Variants in RAI1 observed in about 807,000 individuals in gnomAD.
The protein encoded by RAI1 is retinoic acid induced 1.
A neutral mutation model predicts 123.8 loss-of-function variants in RAI1; 9 were observed. That is an observed-to-expected ratio of 0.07 (90% CI 0.04 to 0.13). The LOEUF (loss-of-function observed/expected upper bound fraction) is 0.13, where lower values mean the gene tolerates loss of function less well. RAI1 is among the 10% of genes least tolerant of loss of function. The pLI is 1.00. For missense variants in RAI1, 2,256 were observed against 2,545.8 expected (o/e 0.89, Z 2.45); for synonymous variants, 1,231 against 1,127.3 (o/e 1.09, Z -1.84).
intron 2 of RAI1, among the ~76,000 whole-genome samples, chr17:17,746,721 C>T (rs1040113212): frequency 6.6e-6 from 1 of 151,116 alleles, no homozygotes; most frequent in Non-Finnish European, 1.5e-5. Context: ...CCACAACCTC[C>T]GCCTCCCAGG....
intron 2 of RAI1, among the ~76,000 whole-genome samples, chr17:17,758,462 C>T (rs2030541863): frequency 6.6e-6 from 1 of 152,216 alleles, no homozygotes; most frequent in African/African-American, 2.4e-5. Flanking sequence ...CGGGAGCCTC[C>T]CTTCCTTGCT....
At chr17:17,778,590 T>G (rs2031438499) in intron 2 of RAI1, 7 of 377,036 alleles carry the variant, frequency 1.9e-5, no homozygotes, top group South Asian at 1.4e-4. Flanking sequence ...ACAATCAGAG[T>G]GGGCATGGGG....
chr17:17,757,263 T>C (rs757342399), intron 2 of RAI1, among the ~76,000 whole-genome samples: 12 of 152,172 alleles, frequency 7.9e-5, no homozygotes, highest in Non-Finnish European at 1.8e-4. Flanking sequence ...CTCATCTGGC[T>C]GCAGAGTCAG....
chr17:17,749,749 G>T (rs1376804197), intron 2 of RAI1, among the ~76,000 whole-genome samples: 1 of 152,160 alleles, frequency 6.6e-6, no homozygotes, highest in African/African-American at 2.4e-5. Flanking sequence ...TACTAAGGTT[G>T]GTCCTTCTTG....
At chr17:17,683,275 C>G (rs1352473998) in intron 1 of RAI1, among the ~76,000 whole-genome samples, 11 of 152,112 alleles carry the variant, frequency 7.2e-5, no homozygotes, top group East Asian at 1.9e-4. Context: ...TAGGCTAGCT[C>G]TGATGTGGAG....
chr17:17,798,333 G>A lies in RAI1; in HGVS notation c.5385G>A (p.Glu1795=), dbSNP rs1182563307. ...ATGGCCGGGAGGATGGGGGCGAGGA[G>A]GCAGCCCCAGCCGACAAGGGTCGCA... ...CCDGREDGGE[E]AAPADKGRKH... Residue 1795 remains glutamate (E), a synonymous_variant, in exon 3 of 6, where the codon GAG becomes GAA. Transcript: ENST00000353383. 1 of 1,600,568 alleles carries A rather than the reference G, an allele frequency of 6.2e-7. No homozygotes were observed. The highest frequency in any genetic ancestry group is 1.1e-5 in the South Asian group (1 of 89,856).
chr17:17,696,765 A>G (rs1343932253), intron 1 of RAI1, among the ~76,000 whole-genome samples: 1 of 152,202 alleles, frequency 6.6e-6, no homozygotes, highest in East Asian at 1.9e-4. Flanking sequence ...CCCGATGCTG[A>G]GATCTGGGCT....
chr17:17,807,677 T>A (rs1281409867), intron 4 of RAI1, among the ~76,000 whole-genome samples: 3 of 152,220 alleles, frequency 2.0e-5, no homozygotes, highest in Non-Finnish European at 2.9e-5. Context: ...GGGGCAGTGC[T>A]GAGGGAGCCA....
chr17:17,726,267 GA>G (rs1916086744), intron 2 of RAI1, among the ~76,000 whole-genome samples: 1 of 152,224 alleles, frequency 6.6e-6, no homozygotes, highest in Non-Finnish European at 1.5e-5. Context: ...CCAGACTCCT[GA>G]GCAAGGCTTT....
At chr17:17,755,849 G>A (rs1376748650) in intron 2 of RAI1, among the ~76,000 whole-genome samples, 4 of 152,174 alleles carry the variant, frequency 2.6e-5, no homozygotes, top group African/African-American at 7.2e-5. Context: ...AAGGCCTGCC[G>A]TGCCTCACAG....
chr17:17,795,978 C>T lies in RAI1; in HGVS notation c.3030C>T (p.Ala1010=), dbSNP rs542714936. The part of the protein sequence containing the change: ...SRRVHRGLPE[A]EDSPCRAPVL... ...GGGTGCACCGGGGGCTGCCCGAGGC[C>T]GAGGACTCCCCATGCAGGGCACCAG... is the stretch of plus-strand genomic sequence containing the variant. The change falls in exon 3 of 6, where the codon GCC becomes GCT. Residue 1010 remains alanine, a synonymous_variant. Coordinates refer to ENST00000353383, the MANE Select transcript of RAI1 (RefSeq NM_030665.4). The surrounding 1 kb of genome is among the most constrained non-coding windows in gnomAD (Gnocchi z 5.9). 12 of 1,601,092 alleles carry T rather than the reference C, an allele frequency of 7.5e-6. No individual in the cohort carries two copies. The highest frequency in any genetic ancestry group is 1.3e-5 in the African/African-American group (1 of 74,772).
rs58147049 is a variant in RAI1 at position 17,800,180 on chromosome 17, G to GTCTCTC, written c.5565+1710_5565+1715dup. Among the ~76,000 whole-genome samples, 91 of 116,338 alleles carry GTCTCTC rather than the reference G, an allele frequency of 7.8e-4. 2 individuals are homozygous for GTCTCTC. Among genetic ancestry groups the GTCTCTC allele is most frequent in the African/African-American group, 1.4e-3 (47 of 33,426 alleles). The allele number at this position is 116,338 out of a possible 152,430, so 76.3% of individuals were successfully genotyped here. A position where few individuals can be genotyped will look rare whatever the true frequency, so the allele number is the denominator to read the frequency against. ...TCTCTCCTGCTTTCTGTCTCTCTCT[G>GTCTCTC]TCTCTCTCTCTCTCTCTCTCTCTCT... On this transcript the variant is annotated intron_variant, in intron 3 of 5. Transcript: ENST00000353383. The surrounding 1 kb of genome is among the most constrained non-coding windows in gnomAD (Gnocchi z 4.7).
In RAI1 at chr17:17,797,776, A is replaced by T; in HGVS notation, c.4828A>T (p.Ile1610Leu). 6.2e-7 allele frequency: 1 copy of T among 1,614,062 alleles called. No individual in the cohort carries two copies. Among genetic ancestry groups the T allele is most frequent in the Non-Finnish European group, 8.5e-7 (1 of 1,180,020 alleles). Residue 1610 changes from isoleucine to leucine, a missense_variant, in exon 3 of 6, where the codon ATA becomes TTA. This residue lies in a region of RAI1 where 410 missense variants were observed against 374.6 expected (regional missense o/e 1.09). Transcript: ENST00000353383. Reference sequence around the variant, plus strand: ...GGAGAAGCGAGACGCGTTCACCACCATATGCACTGTTGTCAACTCCCCTGG... The same window carrying T: ...GGAGAAGCGAGACGCGTTCACCACCTTATGCACTGTTGTCAACTCCCCTGG... ...RVEKRDAFTTICTVVNSPGDA... is the reference protein window; with the variant it reads ...RVEKRDAFTTLCTVVNSPGDA...
chr17:17,725,441 G>A (rs62064084), intron 2 of RAI1, among the ~76,000 whole-genome samples: 22,803 of 152,092 alleles, frequency 0.15, 1,887 homozygotes, highest in East Asian at 0.31. Flanking sequence ...GAGGAGAGTG[G>A]TGGGAACTTC....
At chr17:17,705,500 C>T (rs1268148016) in intron 1 of RAI1, among the ~76,000 whole-genome samples, 4 of 152,012 alleles carry the variant, frequency 2.6e-5, no homozygotes, top group East Asian at 1.9e-4. Flanking sequence ...GAGCTGAGAT[C>T]GTGCCATTGC....
At position 17,783,625 on chromosome 17, in the gene RAI1, C is replaced by T. The variant is rs2031705774; in HGVS notation, c.-16-9308C>T. The stretch of plus-strand genomic sequence containing the variant: ...CAGCCGGGCTGCAGGACTCCAGGCG[C>T]CGCGTTAACCCTGCTCGCGCTGGGG... On this transcript the variant is annotated intron_variant, in intron 2 of 5. Coordinates refer to ENST00000353383, the MANE Select transcript of RAI1 (RefSeq NM_030665.4). 2.0e-5 allele frequency among the ~76,000 whole-genome samples: 3 copies of T among 152,166 alleles called. No individual in the cohort carries two copies. The South Asian group carries it at 6.2e-4, about 31-fold the overall frequency.
intron 1 of RAI1, among the ~76,000 whole-genome samples, chr17:17,694,771 C>T (rs945205863): frequency 2.7e-5 from 4 of 149,580 alleles, no homozygotes; most frequent in Non-Finnish European, 6.0e-5. Flanking sequence ...CGAGGCGGGG[C>T]GGGCCGCTCG....
chr17:17,711,441 G>A (rs941796060), intron 1 of RAI1, among the ~76,000 whole-genome samples: 1 of 152,200 alleles, frequency 6.6e-6, no homozygotes, highest in African/African-American at 2.4e-5. Flanking sequence ...GTTGGGGGGC[G>A]GGTGCTTGCC....
rs1366755016 is a variant in RAI1, at chr17:17,772,930, T to A, written c.-16-20003T>A. Among the ~76,000 whole-genome samples the A allele has an allele frequency of 2.6e-5, 4 of 151,968 alleles. No individual in the cohort carries two copies. The South Asian group carries it at 8.3e-4, about 32-fold the overall frequency. On this transcript the variant is annotated intron_variant, in intron 2 of 5. Coordinates refer to ENST00000353383, the MANE Select transcript of RAI1 (RefSeq NM_030665.4). ...GGGCAGGTGGGTATGTGTGCATGGA[T>A]GCATGGATAGAAAGAAGGTAGGCTG... is the stretch of plus-strand genomic sequence containing the variant.
Sources: gnomAD v4.1 joint callset for allele counts (sites outside exome capture counted in the v4.1 genomes callset) on GRCh38, gnomAD v4.1.1 for gene constraint, gnomAD v4.1.1 regional missense constraint, Gnocchi (gnomAD v3.1) non-coding constraint, MANE v1.5 for transcripts, NCBI Gene and HGNC (gene_info 2026-07-23, HGNC 2026-07-21) for gene names.